The following SLC4A4 variants were observed in gnomAD, a reference collection of about 807,000 sequenced individuals.
SLC4A4 encodes electrogenic sodium bicarbonate cotransporter 1.
In SLC4A4, 27 loss-of-function variants were observed where a neutral mutation model predicts 111.5. That is an observed-to-expected ratio of 0.24 (90% confidence interval 0.18 to 0.33). SLC4A4 has a LOEUF of 0.33. Ranked by LOEUF, SLC4A4 falls within the 10% of genes least tolerant of loss-of-function variation. SLC4A4 has a pLI of 1.00. For missense variants in SLC4A4, 909 were observed against 1,315.5 expected, an observed-to-expected ratio of 0.69 and a Z score of 4.78; for synonymous variants, 443 against 463.4, an observed-to-expected ratio of 0.96 and a Z score of 0.57.
intron 2 of SLC4A4, among the ~76,000 whole-genome samples, chr4:71,141,362 G>A (rs1270292998): frequency 6.6e-6 from 1 of 152,138 alleles, no homozygotes. Flanking sequence ...ATGTTTACAA[G>A]GCCCCTGTGA....
intron 6 of SLC4A4, among the ~76,000 whole-genome samples, chr4:71,395,707 G>A (rs1417667148): frequency 6.6e-6 from 1 of 152,158 alleles, no homozygotes; most frequent in Non-Finnish European, 1.5e-5. Flanking sequence ...TTTATAAAGA[G>A]TGCCTATAGC....
At chr4:71,168,425 T>G (rs918984600) in intron 2 of SLC4A4, among the ~76,000 whole-genome samples, 1 of 151,974 alleles carries the variant, frequency 6.6e-6, no homozygotes, top group African/African-American at 2.4e-5. Context: ...TCAGATGATC[T>G]GCCTGCCTCA....
At chr4:71,519,854 T>G (rs1002319452) in intron 16 of SLC4A4, among the ~76,000 whole-genome samples, 1 of 152,156 alleles carries the variant, frequency 6.6e-6, no homozygotes, top group African/African-American at 2.4e-5. Flanking sequence ...TTCACCATGT[T>G]GGCTAGGCTG....
intron 2 of SLC4A4, among the ~76,000 whole-genome samples, chr4:71,131,551 G>A (rs1743707804): frequency 6.6e-6 from 1 of 152,196 alleles, no homozygotes; most frequent in South Asian, 2.1e-4. Context: ...ATTGTGCCTG[G>A]AATTACTATG....
chr4:71,193,880 C>T (rs1303178035), intron 1 of SLC4A4, among the ~76,000 whole-genome samples: 1 of 152,116 alleles, frequency 6.6e-6, no homozygotes, highest in Non-Finnish European at 1.5e-5. Flanking sequence ...ATGCTTCCAC[C>T]TGATAAGTAA....
chr4:71,346,026 G>T (rs892282272), intron 4 of SLC4A4, among the ~76,000 whole-genome samples: 1 of 151,948 alleles, frequency 6.6e-6, no homozygotes, highest in Non-Finnish European at 1.5e-5. Context: ...TTTATTTAGT[G>T]TAAAGGTCAT....
chr4:71,482,722 A>C (rs1474034661), intron 14 of SLC4A4, among the ~76,000 whole-genome samples: 1 of 151,678 alleles, frequency 6.6e-6, no homozygotes, highest in African/African-American at 2.4e-5. Flanking sequence ...GCCTTTCCTC[A>C]AAAGCTCAGA....
At chr4:71,107,073 T>TA (rs1473791725) in intron 2 of SLC4A4, among the ~76,000 whole-genome samples, 2 of 152,040 alleles carry the variant, frequency 1.3e-5, no homozygotes, top group African/African-American at 4.8e-5. Context: ...ATATTTTTTT[T>TA]ATCCTTTAAC....
chr4:71,376,271 G>A (rs934609570), intron 6 of SLC4A4, among the ~76,000 whole-genome samples: 45 of 149,008 alleles, frequency 3.0e-4, no homozygotes, highest in Middle Eastern at 3.5e-3. Flanking sequence ...GCGCGATATC[G>A]GCTCACTGCA....
chr4:71,169,108 T>G (rs894883485), intron 2 of SLC4A4, among the ~76,000 whole-genome samples: 3 of 151,912 alleles, frequency 2.0e-5, no homozygotes, highest in Non-Finnish European at 4.4e-5. Flanking sequence ...AACCTCCGCC[T>G]CCCAGATTCT....
chr4:71,518,855 G>A (rs1732654326), intron 16 of SLC4A4, among the ~76,000 whole-genome samples: 1 of 152,138 alleles, frequency 6.6e-6, no homozygotes, highest in Admixed American at 6.5e-5. Flanking sequence ...TGATCCTAGA[G>A]TCTGGGGTTC....
Position 71,557,879 on chromosome 4 carries a change from A to T in SLC4A4, c.2931A>T (p.Pro977=). 1 of 1,611,578 alleles carries T rather than the reference A, an allele frequency of 6.2e-7. No individual in the cohort carries two copies. The highest frequency in any genetic ancestry group is 8.5e-7 in the Non-Finnish European group (1 of 1,178,354). Residue 977 remains proline, a synonymous_variant, in exon 22 of 26, where the codon CCA becomes CCT. Transcript: ENST00000264485. ...CAACGGTGGCTGCTATCATTTTTCC[A>T]GTAATGGTAGGGATTCCTTTAATTG... is the stretch of plus-strand genomic sequence containing the variant. ...LKSTVAAIIF[P]VMILALVAVR... is the part of the protein sequence containing the mutation.
intron 16 of SLC4A4, among the ~76,000 whole-genome samples, chr4:71,531,401 C>T (rs1301053752): frequency 1.3e-5 from 2 of 152,114 alleles, no homozygotes; most frequent in Admixed American, 1.3e-4. Flanking sequence ...ACTTTAAGTA[C>T]TAACCTGGAT....
intron 2 of SLC4A4, among the ~76,000 whole-genome samples, chr4:71,106,761 T>C (rs1478526666): frequency 3.5e-5 from 4 of 114,258 alleles, no homozygotes; most frequent in Non-Finnish European, 7.0e-5. Context: ...CATCACACTC[T>C]GGGGACTGTT....
chr4:71,322,571 C>T (rs913135485), intron 3 of SLC4A4, among the ~76,000 whole-genome samples: 8 of 151,890 alleles, frequency 5.3e-5, no homozygotes, highest in Admixed American at 1.3e-4. Context: ...TTAGAAACCT[C>T]GGGGTATAAA....
At chr4:71,095,912 A>T (rs1001463992) in intron 2 of SLC4A4, among the ~76,000 whole-genome samples, 2 of 152,202 alleles carry the variant, frequency 1.3e-5, no homozygotes, top group African/African-American at 4.8e-5. Flanking sequence ...TTTGCTTATA[A>T]AATAAAGATT....
intron 13 of SLC4A4, among the ~76,000 whole-genome samples, chr4:71,469,821 C>T (rs368597349): frequency 3.9e-5 from 6 of 151,964 alleles, no homozygotes; most frequent in African/African-American, 1.2e-4. Context: ...TGTAGTATTG[C>T]TTAAGTCTTT....
At chr4:71,494,842 C>T (rs1171432384) in intron 15 of SLC4A4, among the ~76,000 whole-genome samples, 1 of 151,962 alleles carries the variant, frequency 6.6e-6, no homozygotes, top group Non-Finnish European at 1.5e-5. Flanking sequence ...GAAATGGACC[C>T]TGCCTGAAGT....
intron 1 of SLC4A4, among the ~76,000 whole-genome samples, chr4:71,212,472 A>T (rs1393330229): frequency 1.3e-5 from 2 of 152,248 alleles, no homozygotes; most frequent in Non-Finnish European, 2.9e-5. Context: ...GGTGAATACC[A>T]GTGCTGACCT....
Sources: allele counts gnomAD v4.1 joint callset (sites outside exome capture counted in the v4.1 genomes callset), GRCh38; gene constraint gnomAD v4.1.1; transcripts MANE v1.5; gene names NCBI Gene and HGNC (gene_info 2026-07-23, HGNC 2026-07-21).